PRDM15: variants seen among roughly 807,000 people sequenced by gnomAD.
The protein encoded by PRDM15 is PR domain zinc finger protein 15.
In PRDM15, 64 loss-of-function variants were observed where a neutral mutation model predicts 128.6. The observed-to-expected ratio is 0.50, with a 90% CI of 0.41 to 0.61. The LOEUF (loss-of-function observed/expected upper bound fraction) is 0.61. PRDM15 is among the 20% of genes least tolerant of loss of function. The pLI is 0.00. For synonymous variants in PRDM15, 615 were observed against 621.8 expected (o/e 0.99, Z 0.16); for missense variants, 1,242 against 1,569.1 (o/e 0.79, Z 3.52).
At chr21:41,856,184 C>T (rs2063614396) in intron 4 of PRDM15, among the ~76,000 whole-genome samples, 1 of 22,138 alleles carries the variant, frequency 4.5e-5, no homozygotes, top group East Asian at 2.1e-3. Context: ...CCTTCCCTCC[C>T]TCCCCTCCCT....
At chr21:41,855,110 C>T (rs2063541245) in intron 4 of PRDM15, among the ~76,000 whole-genome samples, 1 of 152,166 alleles carries the variant, frequency 6.6e-6, no homozygotes, top group Non-Finnish European at 1.5e-5. Context: ...GTGCGGAACT[C>T]AAGTTCTAAT....
chr21:41,823,482 C>A (rs763890602), intron 13 of PRDM15, 33 bp from the exon 14 acceptor site: 1 of 1,539,854 alleles, frequency 6.5e-7, no homozygotes, highest in Non-Finnish European at 8.8e-7. Context: ...TGAGGGGCTG[C>A]GGCGTCTCGT....
chr21:41,831,973 C>T (rs1056291225), intron 11 of PRDM15, among the ~76,000 whole-genome samples: 18 of 152,240 alleles, frequency 1.2e-4, no homozygotes, highest in African/African-American at 4.3e-4. Flanking sequence ...ATTATCCATA[C>T]AGCCACTGCC....
chr21:41,828,323 C>T lies in PRDM15; in HGVS notation c.1377G>A (p.Thr459=), dbSNP rs751121939. Residue 459 remains threonine (T), a synonymous_variant, in exon 12 of 24, where the codon ACG becomes ACA. Coordinates refer to ENST00000398548, the MANE Select transcript of PRDM15 (RefSeq NM_001040424.3). This position sits in a 1 kb window ranked among gnomAD's most constrained non-coding sequence, Gnocchi z 5.7. The part of the protein sequence containing the change: ...EFHNCRTDDK[T]FQCEMCFRFF... ...ATCTGAAACACATCTCACATTGGAACGTCTTGTCATCTGTCCAGAGAGCAA... is the reference window on the plus strand; with the variant it reads ...ATCTGAAACACATCTCACATTGGAATGTCTTGTCATCTGTCCAGAGAGCAA... The T allele has an allele frequency of 4.3e-6, 7 of 1,613,848 alleles. No homozygotes were observed. The highest frequency in any genetic ancestry group is 3.3e-5 in the Admixed American group (2 of 59,998).
At chr21:41,815,444 C>T (rs1601162857) in intron 19 of PRDM15, among the ~76,000 whole-genome samples, 3 of 152,206 alleles carry the variant, frequency 2.0e-5, no homozygotes, top group East Asian at 3.9e-4. Flanking sequence ...ACGGGAGGAA[C>T]ATTTAAAGAC....
intron 12 of PRDM15, 110 bp from the exon 13 acceptor site, chr21:41,826,164 T>C: frequency 1.2e-6 from 1 of 826,430 alleles, no homozygotes; most frequent in Non-Finnish European, 2.0e-6. Flanking sequence ...AGGACAGGGC[T>C]GCCCACAGTG....
Position 41,800,215 on chromosome 21 carries a change from T to C in PRDM15, c.*1025A>G, listed in dbSNP as rs1427434779. On this transcript the variant is annotated 3_prime_UTR_variant, in exon 24 of 24. Transcript: ENST00000398548. ...AATTGAAGTTTAAACAGAAGGAAAA[T>C]ATGACTTTTCCCCCGTTTCTTCCAC... The C allele has an allele frequency of 1.3e-5, 2 of 152,158 alleles. No individual in the cohort carries two copies. The highest frequency in any genetic ancestry group is 1.9e-4 in the East Asian group (1 of 5,192). 9.4% of individuals were successfully genotyped at this position (152,158 alleles called of 1,614,324 possible).
At chr21:41,853,391 G>C (rs1181048348) in intron 5 of PRDM15, among the ~76,000 whole-genome samples, 1 of 152,190 alleles carries the variant, frequency 6.6e-6, no homozygotes, top group Non-Finnish European at 1.5e-5. Flanking sequence ...AGGTCATTTG[G>C]GAGGGGGGTC....
At chr21:41,841,226 T>C (rs997888126) in intron 6 of PRDM15, among the ~76,000 whole-genome samples, 23 of 152,192 alleles carry the variant, frequency 1.5e-4, no homozygotes, top group African/African-American at 4.1e-4. Context: ...CTGTTATAAA[T>C]TGCAGAATTC....
At position 41,832,931 on chromosome 21, in the gene PRDM15, C is replaced by A. The variant is rs752722630; in HGVS notation, c.1366+2506G>T. ...GTGGCTTCTCCCGCAGCCACCCACT[C>A]ACTGCCAGTTCAGGAACCCACAGGG... On this transcript the variant is annotated intron_variant, in intron 11 of 23. Coordinates refer to ENST00000398548, the MANE Select transcript of PRDM15 (RefSeq NM_001040424.3). This position sits in a 1 kb window ranked among gnomAD's most constrained non-coding sequence, Gnocchi z 4.2. 1.3e-5 allele frequency among the ~76,000 whole-genome samples: 2 copies of A among 152,194 alleles called. No individual in the cohort carries two copies. The highest frequency in any genetic ancestry group is 2.9e-5 in the Non-Finnish European group (2 of 68,040).
At chr21:41,857,433 C>T (rs1327429315) in intron 3 of PRDM15, 104 bp from the exon 4 acceptor site, 17 of 1,246,024 alleles carry the variant, frequency 1.4e-5, no homozygotes, top group Non-Finnish European at 1.7e-5. Flanking sequence ...CAGGGTTCTT[C>T]GGAAATAAAA....
At chr21:41,856,609 TC>T (rs2063643015) in intron 4 of PRDM15, among the ~76,000 whole-genome samples, 1 of 152,150 alleles carries the variant, frequency 6.6e-6, no homozygotes, top group Non-Finnish European at 1.5e-5. Flanking sequence ...TCCAGAGGGC[TC>T]ATTTTTTACT....
At chr21:41,853,689 C>T (rs1391006672) in intron 5 of PRDM15, among the ~76,000 whole-genome samples, 2 of 152,200 alleles carry the variant, frequency 1.3e-5, no homozygotes, top group South Asian at 2.1e-4. Flanking sequence ...CACTGTGACC[C>T]GCTTTTTCAG....
At position 41,835,466 on chromosome 21, in the gene PRDM15, C is replaced by T. The variant is rs746177452; in HGVS notation, c.1337G>A (p.Ser446Asn). 5 of 1,610,182 alleles carry T rather than the reference C, an allele frequency of 3.1e-6. No homozygotes were observed. In the South Asian group the frequency reaches 4.4e-5, roughly 14 times the overall value. Reference protein sequence around the residue: ...GTCEKTFRIESALEFHNCRTD... With the variant: ...GTCEKTFRIENALEFHNCRTD... ...CCTGCAGTTGTGGAACTCCAGCGCG[C>T]TCTCGATGCGGAAGGTCTTCTCACA... The change falls in exon 11 of 24, where the codon AGC becomes AAC. Residue 446 changes from serine to asparagine, a missense_variant. Coordinates refer to ENST00000398548, the MANE Select transcript of PRDM15 (RefSeq NM_001040424.3).
chr21:41,879,304 G>T lies in PRDM15; in HGVS notation c.-44C>A. On this transcript the variant is annotated 5_prime_UTR_variant, in exon 1 of 24. Coordinates refer to ENST00000398548, the MANE Select transcript of PRDM15 (RefSeq NM_001040424.3). This position sits in a 1 kb window ranked among gnomAD's most constrained non-coding sequence, Gnocchi z 5.1. ...GAATGTGCAGAGCGGGATCGGATCC[G>T]GACTCCGGGTTGCGATCCGCTCCGG... is the stretch of plus-strand genomic sequence containing the variant. 2 of 1,088,482 alleles carry T rather than the reference G, an allele frequency of 1.8e-6. No individual in the cohort carries two copies. The highest frequency in any genetic ancestry group is 1.1e-6 in the Non-Finnish European group (1 of 886,078). The allele number at this position is 1,088,482 out of a possible 1,614,324, so 67.4% of individuals were successfully genotyped here. A position where few individuals can be genotyped will look rare whatever the true frequency, so the allele number is the denominator to read the frequency against.
At chr21:41,814,828 CTGTG>C (rs2061989857) in intron 19 of PRDM15, 2 of 143,984 alleles carry the variant, frequency 1.4e-5, no homozygotes, top group East Asian at 4.2e-4. Flanking sequence ...ATGAGAATGG[CTGTG>C]TGTTAGTGAT....
chr21:41,815,796 C>A lies in PRDM15; in HGVS notation c.2301G>T (p.Leu767=). The change falls in exon 19 of 24, where the codon CTG becomes CTT. Residue 767 remains leucine (L), a synonymous_variant. Coordinates refer to ENST00000398548, the MANE Select transcript of PRDM15 (RefSeq NM_001040424.3). ...ACTCGTACTCCTTGATGCCCTTGTG[C>A]AGCTTCATGTGGTGGCGCAGCGCGT... ...TKHALRHHMK[L]HKGIKEYECK... 19 of 1,614,068 alleles carry A rather than the reference C, an allele frequency of 1.2e-5. No individual in the cohort carries two copies. The highest frequency in any genetic ancestry group is 1.6e-5 in the Non-Finnish European group (19 of 1,179,962).
chr21:41,834,405 C>T (rs891633284), intron 11 of PRDM15: 1 of 1,120,726 alleles, frequency 8.9e-7, no homozygotes. Context: ...GCCCTGTTCT[C>T]AACACAGGGG....
chr21:41,873,842 T>C (rs1200307929), intron 1 of PRDM15, among the ~76,000 whole-genome samples: 6 of 152,078 alleles, frequency 3.9e-5, no homozygotes, highest in African/African-American at 1.4e-4. Flanking sequence ...CCCAGGAATT[T>C]TGAGACCACC....
Sources: allele counts gnomAD v4.1 joint callset (sites outside exome capture counted in the v4.1 genomes callset), GRCh38; gene constraint gnomAD v4.1.1; non-coding constraint Gnocchi (gnomAD v3.1); transcripts MANE v1.5; gene names NCBI Gene and HGNC (gene_info 2026-07-23, HGNC 2026-07-21).